Variants in TENM2 observed in about 807,000 individuals in gnomAD.
The protein encoded by TENM2 is teneurin transmembrane protein 2.
A neutral mutation model predicts 245.2 loss-of-function variants in TENM2; 52 were observed. The observed-to-expected ratio is 0.21, with a 90% CI of 0.17 to 0.27. The LOEUF (loss-of-function observed/expected upper bound fraction) is 0.27, where lower values mean the gene tolerates loss of function less well. Ranked by LOEUF, TENM2 falls within the 10% of genes least tolerant of loss-of-function variation. The pLI is 1.00. For synonymous variants in TENM2, 1,363 were observed against 1,438.9 expected (o/e 0.95, Z 1.19); for missense variants, 3,046 against 3,666.8 (o/e 0.83, Z 4.37).
the TENM2 span, among the ~76,000 whole-genome samples, chr5:167,073,957 T>C: frequency 6.6e-6 from 1 of 152,332 alleles, no homozygotes; most frequent in African/African-American, 2.4e-5. Flanking sequence ...CAAATGTTTC[T>C]CTCAGGTTCT....
At chr5:167,159,818 T>C in the TENM2 span, among the ~76,000 whole-genome samples, 1 of 152,156 alleles carries the variant, frequency 6.6e-6, no homozygotes, top group African/African-American at 2.4e-5. Flanking sequence ...ATGGAATTCA[T>C]ACAGAAAGAC....
chr5:168,078,904 G>T (rs1344796600), intron 7 of TENM2, among the ~76,000 whole-genome samples: 1 of 152,100 alleles, frequency 6.6e-6, no homozygotes, highest in East Asian at 1.9e-4. Context: ...GATTGTCTTG[G>T]CAATGTGGGC....
At chr5:167,070,965 C>T in the TENM2 span, among the ~76,000 whole-genome samples, 1 of 152,064 alleles carries the variant, frequency 6.6e-6, no homozygotes, top group Non-Finnish European at 1.5e-5. Flanking sequence ...CTTAACTTAT[C>T]TTTCGACTAA....
At chr5:168,107,961 C>A (rs906797196) in intron 9 of TENM2, among the ~76,000 whole-genome samples, 32 of 152,356 alleles carry the variant, frequency 2.1e-4, no homozygotes, top group African/African-American at 6.7e-4. Context: ...CTGCTGATGA[C>A]AAGCTTCCAG....
intron 2 of TENM2, among the ~76,000 whole-genome samples, chr5:167,491,052 A>G (rs920938802): frequency 1.3e-5 from 2 of 152,178 alleles, no homozygotes; most frequent in Admixed American, 6.5e-5. Context: ...GGAATAAGCT[A>G]TGATGATTGG....
intron 2 of TENM2, among the ~76,000 whole-genome samples, chr5:167,393,616 G>A (rs1006598354): frequency 7.4e-4 from 113 of 152,284 alleles, no homozygotes; most frequent in African/African-American, 2.5e-3. Flanking sequence ...AGGTCATAGA[G>A]GGTGTCACAG....
intron 2 of TENM2, among the ~76,000 whole-genome samples, chr5:167,757,952 C>T (rs1361958620): frequency 6.6e-6 from 1 of 152,140 alleles, no homozygotes; most frequent in Non-Finnish European, 1.5e-5. Flanking sequence ...TTCAAGTATG[C>T]CTTGGTTACC....
chr5:167,826,669 T>C (rs1403080785), intron 2 of TENM2, among the ~76,000 whole-genome samples: 1 of 152,206 alleles, frequency 6.6e-6, no homozygotes, highest in African/African-American at 2.4e-5. Flanking sequence ...AAGGGATCAA[T>C]TAAAAAGGCA....
exon 25 of TENM2, chr5:168,228,054 G>C: frequency 6.2e-7 from 1 of 1,613,910 alleles, no homozygotes; most frequent in Non-Finnish European, 8.5e-7. Context: ...ATGGAGAATG[G>C]CTTAAACTCC....
intron 3 of TENM2, among the ~76,000 whole-genome samples, chr5:167,913,048 C>G (rs542356848): frequency 2.8e-4 from 43 of 152,248 alleles, no homozygotes; most frequent in African/African-American, 1.0e-3. Flanking sequence ...CATTCCATAG[C>G]ATCCCTGCAT....
chr5:167,493,853 C>A lies in TENM2; in HGVS notation c.502+118380C>A, dbSNP rs1768606062. 3.3e-5 allele frequency among the ~76,000 whole-genome samples: 5 copies of A among 152,044 alleles called. No homozygotes were observed. The South Asian group carries it at 1.0e-3, about 32-fold the overall frequency. ...GATGTTGTGTTGGAAAAAGGAATGG[C>A]AAACAAACACATAAACAATATAAAA... is the stretch of plus-strand genomic sequence containing the variant. On this transcript the variant is annotated intron_variant, in intron 2 of 28. Coordinates refer to ENST00000518659, the Ensembl canonical transcript of TENM2.
intron 2 of TENM2, among the ~76,000 whole-genome samples, chr5:167,865,773 G>GA (rs1180745572): frequency 6.6e-6 from 1 of 152,152 alleles, no homozygotes; most frequent in East Asian, 1.9e-4. Context: ...CTTGGTTAAG[G>GA]AAAAAAACAT....
chr5:167,855,905 G>GGGAT (rs1477673621), intron 2 of TENM2, among the ~76,000 whole-genome samples: 1 of 137,188 alleles, frequency 7.3e-6, no homozygotes, highest in South Asian at 2.7e-4. Flanking sequence ...GAGGGAGGGA[G>GGGAT]GGAATGAGGG....
intron 2 of TENM2, among the ~76,000 whole-genome samples, chr5:167,738,116 C>G (rs1760927160): frequency 6.6e-6 from 1 of 152,240 alleles, no homozygotes; most frequent in Non-Finnish European, 1.5e-5. Flanking sequence ...CCACAGGGTT[C>G]TGGCACTCCA....
intron 2 of TENM2, chr5:167,754,980 T>G (rs999057581): frequency 9.6e-6 from 15 of 1,557,156 alleles, no homozygotes; most frequent in Non-Finnish European, 1.2e-5. Context: ...TGTGTCAGAC[T>G]GGGACTGCTG....
intron 12 of TENM2, among the ~76,000 whole-genome samples, chr5:168,140,178 G>C (rs1189993590): frequency 6.6e-6 from 1 of 152,178 alleles, no homozygotes; most frequent in Non-Finnish European, 1.5e-5. Flanking sequence ...CTTTGCACTT[G>C]CATGGTGAAT....
intron 8 of TENM2, among the ~76,000 whole-genome samples, chr5:168,092,739 C>T (rs773319600): frequency 4.6e-5 from 7 of 152,168 alleles, no homozygotes; most frequent in African/African-American, 9.7e-5. Flanking sequence ...TGATGAGAAA[C>T]GACTTCCTTT....
chr5:168,118,320 T>G, exon 10 of TENM2: 1 of 1,604,824 alleles, frequency 6.2e-7, no homozygotes, highest in Non-Finnish European at 8.5e-7. Flanking sequence ...GCAGTGGGAA[T>G]GGACAATATT....
At chr5:167,199,323 G>T in the TENM2 span, among the ~76,000 whole-genome samples, 6 of 151,992 alleles carry the variant, frequency 3.9e-5, no homozygotes, top group Non-Finnish European at 1.5e-5. Flanking sequence ...TAACCAGCCT[G>T]CTATCTGGTG....
Sources: gnomAD v4.1 joint callset for allele counts (sites outside exome capture counted in the v4.1 genomes callset) on GRCh38, gnomAD v4.1.1 for gene constraint, MANE v1.5 for transcripts, NCBI Gene and HGNC (gene_info 2026-07-23, HGNC 2026-07-21) for gene names.